The following IMMP2L variants were observed in gnomAD, a reference collection of about 807,000 sequenced individuals.
IMMP2L encodes inner mitochondrial membrane peptidase subunit 2.
IMMP2L carries 18 observed loss-of-function variants against 19.3 expected under a neutral mutation model. The ratio of observed to expected loss-of-function variants is 0.93; its 90% CI spans 0.64 to 1.38. The LOEUF (loss-of-function observed/expected upper bound fraction) is 1.38. IMMP2L is among the 40% of genes most tolerant of loss of function. IMMP2L has a pLI of 0.00. For missense variants in IMMP2L, 233 were observed against 218.2 expected (o/e 1.07, Z -0.43); for synonymous variants, 76 against 73.0 (o/e 1.04, Z -0.21).
chr7:110,788,208 A>G (rs1447279958), intron 5 of IMMP2L, among the ~76,000 whole-genome samples: 1 of 151,944 alleles, frequency 6.6e-6, no homozygotes, highest in Non-Finnish European at 1.5e-5. Flanking sequence ...AGATGTTCAC[A>G]CTCAAAGTTT....
chr7:111,210,927 T>C (rs952168089), intron 3 of IMMP2L, among the ~76,000 whole-genome samples: 3 of 151,792 alleles, frequency 2.0e-5, no homozygotes, highest in African/African-American at 7.3e-5. Context: ...TGGCTTTACC[T>C]GGACCTACCC....
intron 3 of IMMP2L, among the ~76,000 whole-genome samples, chr7:111,015,710 G>A (rs1825437589): frequency 6.6e-6 from 1 of 152,084 alleles, no homozygotes; most frequent in Non-Finnish European, 1.5e-5. Context: ...CTAATAGGTA[G>A]AGGGTTTCTT....
chr7:111,035,324 A>G (rs2129569710), intron 3 of IMMP2L, among the ~76,000 whole-genome samples: 1 of 152,290 alleles, frequency 6.6e-6, no homozygotes, highest in Admixed American at 6.5e-5. Flanking sequence ...ATGTTTGGGT[A>G]ACTGAAGTAG....
At chr7:111,411,228 T>TA (rs1311986716) in intron 3 of IMMP2L, 3 of 178,738 alleles carry the variant, frequency 1.7e-5, no homozygotes, top group East Asian at 3.1e-4. Flanking sequence ...ATGACATTCT[T>TA]AGAGTGCTGT....
At chr7:110,676,737 C>T (rs1321605258) in intron 5 of IMMP2L, among the ~76,000 whole-genome samples, 1 of 152,134 alleles carries the variant, frequency 6.6e-6, no homozygotes, top group East Asian at 1.9e-4. Flanking sequence ...AGCAATCTAT[C>T]CCTACAAAGA....
chr7:110,927,254 T>C (rs1468949120), intron 4 of IMMP2L, among the ~76,000 whole-genome samples: 1 of 152,056 alleles, frequency 6.6e-6, no homozygotes, highest in African/African-American at 2.4e-5. Flanking sequence ...GGAGTTCAAC[T>C]TCAACTACCT....
rs1187007679 is a variant in IMMP2L at position 111,213,669 on chromosome 7, G to C, written c.240-250104C>G. On this transcript the variant is annotated intron_variant, in intron 3 of 5. Transcript: ENST00000405709. This position sits in a 1 kb window ranked among gnomAD's most constrained non-coding sequence, Gnocchi z 4.8. Reference sequence around the variant, plus strand: ...GAAATCGATGGAACCACTAGCTGTAGGGAGGAGTTACCCATTCCAGGCTCT... The same window carrying C: ...GAAATCGATGGAACCACTAGCTGTACGGAGGAGTTACCCATTCCAGGCTCT... Among the ~76,000 whole-genome samples, 7 of 152,274 alleles carry C rather than the reference G, an allele frequency of 4.6e-5. No homozygotes were observed. The East Asian group carries it at 1.4e-3, about 29-fold the overall frequency.
At chr7:111,289,476 T>A (rs747142349) in intron 3 of IMMP2L, among the ~76,000 whole-genome samples, 1 of 151,508 alleles carries the variant, frequency 6.6e-6, no homozygotes, top group Non-Finnish European at 1.5e-5. Context: ...TGATCTTGAA[T>A]GCTATGGTAA....
At chr7:111,389,811 T>C (rs1832156599) in intron 3 of IMMP2L, among the ~76,000 whole-genome samples, 1 of 152,066 alleles carries the variant, frequency 6.6e-6, no homozygotes, top group South Asian at 2.1e-4. Context: ...CACAATCTGC[T>C]CTGAATTTTG....
intron 3 of IMMP2L, among the ~76,000 whole-genome samples, chr7:111,468,771 A>C (rs944840804): frequency 3.3e-5 from 5 of 152,246 alleles, no homozygotes; most frequent in Non-Finnish European, 5.9e-5. Flanking sequence ...TATTCAATAG[A>C]TATTTTTCAG....
At chr7:110,691,713 C>T (rs994540942) in intron 5 of IMMP2L, among the ~76,000 whole-genome samples, 1 of 152,052 alleles carries the variant, frequency 6.6e-6, no homozygotes, top group Admixed American at 6.6e-5. Context: ...AAAAAATGCA[C>T]ATCACTAATC....
chr7:111,137,761 T>C (rs1461829448), intron 3 of IMMP2L, among the ~76,000 whole-genome samples: 1 of 152,172 alleles, frequency 6.6e-6, no homozygotes, highest in Non-Finnish European at 1.5e-5. Context: ...TATGAATGAT[T>C]TAAGAAATTA....
intron 2 of IMMP2L, among the ~76,000 whole-genome samples, chr7:111,499,927 C>T (rs1372786293): frequency 1.3e-5 from 2 of 152,154 alleles, no homozygotes; most frequent in Non-Finnish European, 2.9e-5. Flanking sequence ...GTACCGGGTT[C>T]ATCTCACTAG....
At chr7:110,835,534 G>A (rs1804368088) in intron 5 of IMMP2L, among the ~76,000 whole-genome samples, 3 of 152,016 alleles carry the variant, frequency 2.0e-5, no homozygotes, top group South Asian at 4.1e-4. Flanking sequence ...AAACAACCAG[G>A]AGTAGCAAAG....
intron 3 of IMMP2L, among the ~76,000 whole-genome samples, chr7:111,485,099 CT>C (rs2132248011): frequency 6.6e-6 from 1 of 152,044 alleles, no homozygotes; most frequent in Non-Finnish European, 1.5e-5. Context: ...TAAAAAAATA[CT>C]TTAAATAATG....
At chr7:111,037,927 A>C (rs1294553216) in intron 3 of IMMP2L, among the ~76,000 whole-genome samples, 1 of 152,106 alleles carries the variant, frequency 6.6e-6, no homozygotes, top group Non-Finnish European at 1.5e-5. Context: ...TTAAGAGGTA[A>C]AAAAGTTGCG....
rs138157486 is a variant in IMMP2L, at chr7:110,894,305, G to A, written c.306-7610C>T. Among the ~76,000 whole-genome samples the A allele has an allele frequency of 4.7e-3, 709 of 152,264 alleles. 5 individuals carry two copies. Among genetic ancestry groups the A allele is most frequent in the African/African-American group, 0.016 (672 of 41,544 alleles). On this transcript the variant is annotated intron_variant, in intron 4 of 5. Transcript: ENST00000405709. ...TAATTAGATACTGCAAGGGGTGAGG[G>A]ATGGGACCTGTGTTTGGTTACAGAA...
At chr7:110,952,445 A>G (rs1817928860) in intron 4 of IMMP2L, among the ~76,000 whole-genome samples, 1 of 152,188 alleles carries the variant, frequency 6.6e-6, no homozygotes, top group African/African-American at 2.4e-5. Flanking sequence ...CAAATGCACT[A>G]ACCAGCTCCA....
At chr7:110,754,900 G>C (rs551356145) in intron 5 of IMMP2L, among the ~76,000 whole-genome samples, 1 of 150,340 alleles carries the variant, frequency 6.7e-6, no homozygotes, top group Admixed American at 6.7e-5. Context: ...GTTACAGCAC[G>C]TTCTATTTTT....
Sources: allele counts gnomAD v4.1 joint callset (sites outside exome capture counted in the v4.1 genomes callset), GRCh38; gene constraint gnomAD v4.1.1; non-coding constraint Gnocchi (gnomAD v3.1); transcripts MANE v1.5; gene names NCBI Gene and HGNC (gene_info 2026-07-23, HGNC 2026-07-21).